UBE2H: variants seen among roughly 807,000 people sequenced by gnomAD.
The protein encoded by UBE2H is ubiquitin-conjugating enzyme E2 H.
In UBE2H, 3 loss-of-function variants were observed where a neutral mutation model predicts 29.0. The observed-to-expected ratio is 0.10, with a 90% CI of 0.05 to 0.27. The LOEUF (loss-of-function observed/expected upper bound fraction) is 0.27. UBE2H is among the 10% of genes least tolerant of loss of function. The probability of loss-of-function intolerance (pLI) is 1.00; values close to 1 mark genes in which losing one functional copy is unlikely to be tolerated. For synonymous variants in UBE2H, 69 were observed against 82.9 expected (o/e 0.83, Z 0.91); for missense variants, 68 against 228.2 (o/e 0.30, Z 4.52).
At chr7:129,929,720 T>C (rs1317363604) in intron 1 of UBE2H, among the ~76,000 whole-genome samples, 1 of 152,144 alleles carries the variant, frequency 6.6e-6, no homozygotes, top group Non-Finnish European at 1.5e-5. Flanking sequence ...AATATTATAT[T>C]AACACATTGC....
intron 1 of UBE2H, among the ~76,000 whole-genome samples, chr7:129,924,939 C>G (rs1366246782): frequency 2.0e-5 from 3 of 151,716 alleles, no homozygotes; most frequent in Non-Finnish European, 4.4e-5. Context: ...AGGGTACAAG[C>G]TAAACTATGA....
chr7:129,850,843 G>C (rs1418002077), intron 5 of UBE2H, among the ~76,000 whole-genome samples: 2 of 145,296 alleles, frequency 1.4e-5, no homozygotes, highest in African/African-American at 5.1e-5. Flanking sequence ...GAGAGAAAGA[G>C]AGAGAGAGGG....
At chr7:129,929,317 C>CAAAAAA (rs1255962023) in intron 1 of UBE2H, among the ~76,000 whole-genome samples, 1 of 91,498 alleles carries the variant, frequency 1.1e-5, no homozygotes, top group Non-Finnish European at 2.2e-5. Flanking sequence ...AACTCCATCT[C>CAAAAAA]AAAAAAAAAA....
At chr7:129,902,801 G>T (rs1020745515) in intron 1 of UBE2H, among the ~76,000 whole-genome samples, 1 of 152,126 alleles carries the variant, frequency 6.6e-6, no homozygotes, top group Non-Finnish European at 1.5e-5. Context: ...ACAAAAGTGG[G>T]GATAAGCATA....
intron 1 of UBE2H, among the ~76,000 whole-genome samples, chr7:129,900,137 A>C (rs1272327222): frequency 2.0e-5 from 3 of 152,112 alleles, no homozygotes; most frequent in Non-Finnish European, 4.4e-5. Flanking sequence ...TCAAAAAAAA[A>C]AAAAAATTAA....
At chr7:129,923,543 C>A (rs1010910251) in intron 1 of UBE2H, among the ~76,000 whole-genome samples, 5 of 152,142 alleles carry the variant, frequency 3.3e-5, no homozygotes, top group African/African-American at 1.2e-4. Flanking sequence ...TCCTCAATAA[C>A]ATTTCCAAGT....
intron 1 of UBE2H, among the ~76,000 whole-genome samples, chr7:129,889,418 T>C (rs973027966): frequency 1.3e-5 from 2 of 152,182 alleles, no homozygotes; most frequent in African/African-American, 4.8e-5. Flanking sequence ...CTAATTTTCA[T>C]GACAAAACAA....
chr7:129,857,796 T>C (rs10249037), intron 4 of UBE2H, among the ~76,000 whole-genome samples: 26,865 of 152,044 alleles, frequency 0.18, 2,607 homozygotes, highest in African/African-American at 0.24. Context: ...AGACAACACC[T>C]GAACCAGGTG....
chr7:129,877,558 G>A (rs1157260275), intron 3 of UBE2H, among the ~76,000 whole-genome samples: 1 of 152,126 alleles, frequency 6.6e-6, no homozygotes, highest in Non-Finnish European at 1.5e-5. Flanking sequence ...AAATATTTCA[G>A]CTAAATCTAC....
intron 5 of UBE2H, among the ~76,000 whole-genome samples, chr7:129,853,011 C>A (rs1394515609): frequency 6.6e-6 from 1 of 152,154 alleles, no homozygotes; most frequent in Non-Finnish European, 1.5e-5. Context: ...CAGGCATGAG[C>A]CACCGTGCCC....
intron 1 of UBE2H, among the ~76,000 whole-genome samples, chr7:129,937,685 A>C (rs1807559422): frequency 6.6e-6 from 1 of 152,240 alleles, no homozygotes; most frequent in Non-Finnish European, 1.5e-5. Context: ...AATGGGCAGC[A>C]ATCAAGGCAT....
intron 1 of UBE2H, among the ~76,000 whole-genome samples, chr7:129,920,330 C>T (rs1807131898): frequency 6.6e-6 from 1 of 151,936 alleles, no homozygotes; most frequent in Non-Finnish European, 1.5e-5. Context: ...AAAACACTAT[C>T]CCAGAAAAAC....
chr7:129,883,227 ACT>A (rs529527403), intron 1 of UBE2H, among the ~76,000 whole-genome samples: 47 of 152,346 alleles, frequency 3.1e-4, no homozygotes, highest in South Asian at 1.2e-3. Flanking sequence ...AAATGAATTT[ACT>A]CTTTTATTCA....
chr7:129,891,285 A>G (rs1806482601), intron 1 of UBE2H, among the ~76,000 whole-genome samples: 1 of 151,778 alleles, frequency 6.6e-6, no homozygotes, highest in African/African-American at 2.4e-5. Context: ...TCCCCAGTTC[A>G]AGAGAGTCTC....
chr7:129,900,332 CATAT>C (rs1806685083), intron 1 of UBE2H, among the ~76,000 whole-genome samples: 1 of 152,098 alleles, frequency 6.6e-6, no homozygotes. Flanking sequence ...TAATGTAACA[CATAT>C]GTTACTCTCC....
rs1805221272 is a variant in UBE2H, at chr7:129,831,251, C to A, written c.*3686G>T. On this transcript the variant is annotated 3_prime_UTR_variant, in exon 7 of 7. Coordinates refer to ENST00000355621, the MANE Select transcript of UBE2H (RefSeq NM_003344.4). ...ATCAGAGATAGATGATTTCATTCAA[C>A]AAGGCTGGAAGCCCAGTTGGGAAGT... 6.6e-6 allele frequency: 1 copy of A among 152,200 alleles called. No homozygotes were observed. Among genetic ancestry groups the A allele is most frequent in the African/African-American group, 2.4e-5 (1 of 41,452 alleles). 9.4% of individuals were successfully genotyped at this position (152,200 alleles called of 1,614,324 possible). A position where few individuals can be genotyped will look rare whatever the true frequency, so the allele number is the denominator to read the frequency against.
At chr7:129,922,186 C>T (rs1007296639) in intron 1 of UBE2H, among the ~76,000 whole-genome samples, 2 of 152,050 alleles carry the variant, frequency 1.3e-5, no homozygotes, top group African/African-American at 4.8e-5. Flanking sequence ...TGGGTTTCTG[C>T]CATGTTGGCC....
intron 5 of UBE2H, among the ~76,000 whole-genome samples, chr7:129,845,979 A>T (rs1805503853): frequency 6.6e-6 from 1 of 152,246 alleles, no homozygotes; most frequent in Non-Finnish European, 1.5e-5. Flanking sequence ...TAGACATTTC[A>T]GCTACCTGTA....
Position 129,839,238 on chromosome 7 carries a change from G to A in UBE2H, c.396C>T (p.His132=). ...LNGDAAAMYL[H]RPEEYKQKIK... is the part of the protein sequence containing the mutation. Reference sequence around the variant, plus strand: ...TTTTCTGCTTGTATTCTTCTGGTCGGTGGAGGTACATGGCTGCAGCGTCAC... The same window carrying A: ...TTTTCTGCTTGTATTCTTCTGGTCGATGGAGGTACATGGCTGCAGCGTCAC... Residue 132 remains histidine, a synonymous_variant, in exon 6 of 7, where the codon CAC becomes CAT. Coordinates refer to ENST00000355621, the MANE Select transcript of UBE2H (RefSeq NM_003344.4). 6.2e-7 allele frequency: 1 copy of A among 1,613,912 alleles called. No homozygotes were observed. Among genetic ancestry groups the A allele is most frequent in the Non-Finnish European group, 8.5e-7 (1 of 1,179,924 alleles).
Sources: allele counts gnomAD v4.1 joint callset (sites outside exome capture counted in the v4.1 genomes callset), GRCh38; gene constraint gnomAD v4.1.1; transcripts MANE v1.5; gene names NCBI Gene and HGNC (gene_info 2026-07-23, HGNC 2026-07-21).